GTF2E2: variants seen among roughly 807,000 people sequenced by gnomAD.
The protein encoded by GTF2E2 is transcription initiation factor IIE subunit beta.
GTF2E2 carries 21 observed loss-of-function variants against 40.5 expected under a neutral mutation model. The observed-to-expected ratio is 0.52, with a 90% CI of 0.37 to 0.75. GTF2E2 has a LOEUF of 0.75. Ranked by LOEUF, GTF2E2 falls within the 30% of genes least tolerant of loss-of-function variation. The pLI is 0.00. For missense variants in GTF2E2, 298 were observed against 338.4 expected (o/e 0.88, Z 0.94); for synonymous variants, 117 against 121.6 (o/e 0.96, Z 0.25).
At chr8:30,653,317 C>A (rs1407834271) in intron 2 of GTF2E2, 116 bp downstream of exon 2, 2 of 721,778 alleles carry the variant, frequency 2.8e-6, no homozygotes, top group Non-Finnish European at 4.7e-6. Context: ...CCTTTATATT[C>A]AACAAAGTGC....
intron 3 of GTF2E2, among the ~76,000 whole-genome samples, chr8:30,617,039 T>G (rs891178656): frequency 6.6e-6 from 1 of 152,060 alleles, no homozygotes; most frequent in African/African-American, 2.4e-5. Flanking sequence ...ACAAGACTCC[T>G]TCATTGTACC....
At chr8:30,645,628 AAGC>A in intron 2 of GTF2E2, 1 of 1,512,094 alleles carries the variant, frequency 6.6e-7, no homozygotes, top group Non-Finnish European at 8.8e-7. Flanking sequence ...AAATCTCTGA[AAGC>A]AGCTCAACCT....
chr8:30,597,325 A>C (rs367722569), intron 6 of GTF2E2: 5 of 152,354 alleles, frequency 3.3e-5, no homozygotes, highest in African/African-American at 1.2e-4. Flanking sequence ...TCTTTCCAAA[A>C]GGATCTACTG....
At chr8:30,595,990 T>C (rs1453494200) in intron 6 of GTF2E2, among the ~76,000 whole-genome samples, 6 of 152,270 alleles carry the variant, frequency 3.9e-5, no homozygotes, top group Admixed American at 2.6e-4. Context: ...TCTTTCGGTC[T>C]GCATGGGTTC....
At chr8:30,638,855 G>A (rs950914005) in intron 2 of GTF2E2, among the ~76,000 whole-genome samples, 4 of 152,116 alleles carry the variant, frequency 2.6e-5, no homozygotes, top group African/African-American at 9.7e-5. Context: ...TGCCTTAATG[G>A]AAAATTCATT....
chr8:30,646,304 AT>A (rs1802069608), intron 2 of GTF2E2, among the ~76,000 whole-genome samples: 1 of 152,014 alleles, frequency 6.6e-6, no homozygotes, highest in African/African-American at 2.4e-5. Flanking sequence ...TACCTCTCTT[AT>A]TTATACTCTC....
At chr8:30,612,201 A>G (rs1037646124) in intron 5 of GTF2E2, 98 bp downstream of exon 5, 11 of 815,258 alleles carry the variant, frequency 1.3e-5, no homozygotes, top group Non-Finnish European at 1.9e-5. Flanking sequence ...ATATAATAGA[A>G]GCTTTAAAAA....
At chr8:30,652,490 G>C (rs1802313818) in intron 2 of GTF2E2, among the ~76,000 whole-genome samples, 1 of 150,970 alleles carries the variant, frequency 6.6e-6, no homozygotes, top group Non-Finnish European at 1.5e-5. Flanking sequence ...TACTCATTAA[G>C]GAAATGCGTA....
intron 2 of GTF2E2, chr8:30,643,857 C>T (rs1234908826): frequency 6.6e-6 from 1 of 151,200 alleles, no homozygotes; most frequent in Non-Finnish European, 1.5e-5. Context: ...TTGTAGTTTT[C>T]GTTAAATGAA....
chr8:30,581,434 C>G (rs1164343513), intron 6 of GTF2E2, among the ~76,000 whole-genome samples: 1 of 152,164 alleles, frequency 6.6e-6, no homozygotes, highest in Non-Finnish European at 1.5e-5. Context: ...TTCCCCCTTT[C>G]TCTCTCATTT....
chr8:30,641,375 T>C (rs1801821336), intron 2 of GTF2E2, among the ~76,000 whole-genome samples: 2 of 152,214 alleles, frequency 1.3e-5, no homozygotes, highest in South Asian at 4.1e-4. Flanking sequence ...TTGGTTTGGT[T>C]TTTTTGAGAC....
At chr8:30,608,875 A>C (rs949598186) in intron 5 of GTF2E2, among the ~76,000 whole-genome samples, 3 of 152,150 alleles carry the variant, frequency 2.0e-5, no homozygotes, top group African/African-American at 7.2e-5. Flanking sequence ...CAGCCTCCCG[A>C]GTAGCTGGGA....
intron 6 of GTF2E2, among the ~76,000 whole-genome samples, chr8:30,603,643 G>GT (rs1244388591): frequency 3.3e-5 from 5 of 152,044 alleles, no homozygotes; most frequent in Non-Finnish European, 7.4e-5. Flanking sequence ...ATAAAAAGCA[G>GT]TAACTACAGG....
At chr8:30,625,270 C>T (rs62505306) in intron 3 of GTF2E2, among the ~76,000 whole-genome samples, 53,747 of 151,814 alleles carry the variant, frequency 0.35, 10,538 homozygotes, top group South Asian at 0.55. Flanking sequence ...CTGAGATAAT[C>T]ATGTGGTTTT....
chr8:30,583,925 C>T (rs1404712485), intron 6 of GTF2E2, among the ~76,000 whole-genome samples: 1 of 152,052 alleles, frequency 6.6e-6, no homozygotes. Context: ...CCTGTCTCAG[C>T]CTCCCGAGTA....
At chr8:30,653,036 T>A (rs1802335193) in intron 2 of GTF2E2, among the ~76,000 whole-genome samples, 1 of 152,182 alleles carries the variant, frequency 6.6e-6, no homozygotes, top group Non-Finnish European at 1.5e-5. Flanking sequence ...AGCAGATTAT[T>A]GGTTTTCCGG....
intron 3 of GTF2E2, among the ~76,000 whole-genome samples, chr8:30,624,022 C>T (rs1245151039): frequency 3.9e-5 from 6 of 152,036 alleles, no homozygotes; most frequent in Admixed American, 1.3e-4. Context: ...TTAATTAGAT[C>T]CCATTTGTCT....
At chr8:30,649,972 A>C (rs562802986) in intron 2 of GTF2E2, among the ~76,000 whole-genome samples, 15 of 152,246 alleles carry the variant, frequency 9.9e-5, no homozygotes, top group Admixed American at 6.5e-5. Context: ...AGCTTTCCAC[A>C]AAGGAAAGCT....
At chr8:30,589,568 A>G (rs1828780654) in intron 6 of GTF2E2, among the ~76,000 whole-genome samples, 1 of 152,236 alleles carries the variant, frequency 6.6e-6, no homozygotes, top group African/African-American at 2.4e-5. Flanking sequence ...CTTAAAAATA[A>G]AAAATAAATT....
Sources: gnomAD v4.1 joint callset for allele counts (sites outside exome capture counted in the v4.1 genomes callset) on GRCh38, gnomAD v4.1.1 for gene constraint, MANE v1.5 for transcripts, NCBI Gene and HGNC (gene_info 2026-07-23, HGNC 2026-07-21) for gene names.